INTS10: variants seen among roughly 807,000 people sequenced by gnomAD.
INTS10 encodes chromosome 8 open reading frame 35.
Under a neutral mutation model 94.4 loss-of-function variants are expected in INTS10, and 44 were observed. The ratio of observed to expected loss-of-function variants is 0.47; its 90% CI spans 0.37 to 0.60. The LOEUF is 0.60. Among genes scored for constraint, INTS10 ranks in the 20% least tolerant of loss-of-function variants. INTS10 has a pLI of 0.00. For synonymous variants in INTS10, 341 were observed against 320.7 expected (o/e 1.06, Z -0.68); for missense variants, 797 against 868.7 (o/e 0.92, Z 1.04).
In INTS10 at chr8:19,819,569, A is replaced by T; in HGVS notation, c.198-4A>T. 1 of 1,601,500 alleles carries T rather than the reference A, an allele frequency of 6.2e-7. No individual in the cohort carries two copies. Among genetic ancestry groups the T allele is most frequent in the Non-Finnish European group, 8.5e-7 (1 of 1,170,490 alleles). ...TTAATTTAATGTATTTATTTTAAAA[A>T]TAGGTTTGTGAATTTCCCAGACCAG... On this transcript the variant is annotated splice_polypyrimidine_tract_variant and splice_region_variant and intron_variant, in intron 2 of 16. Transcript: ENST00000397977.
At chr8:19,836,068 C>T (rs1025781498) in intron 12 of INTS10, among the ~76,000 whole-genome samples, 4 of 151,848 alleles carry the variant, frequency 2.6e-5, no homozygotes, top group African/African-American at 7.3e-5. Flanking sequence ...ACCTAGATGA[C>T]GGGTTGATAG....
chr8:19,835,669 A>G (rs986007382), intron 12 of INTS10, among the ~76,000 whole-genome samples: 2 of 152,170 alleles, frequency 1.3e-5, no homozygotes, highest in African/African-American at 4.8e-5. Flanking sequence ...ATCCAGGCCT[A>G]TCCAACTCCA....
chr8:19,831,831 A>G (rs1289226285), intron 10 of INTS10, among the ~76,000 whole-genome samples, 197 bp from the exon 11 acceptor site: 1 of 152,234 alleles, frequency 6.6e-6, no homozygotes, highest in Non-Finnish European at 1.5e-5. Flanking sequence ...TCTACAAAAT[A>G]TTGCTTGTGT....
rs779395857 is a variant in INTS10 at position 19,845,808 on chromosome 8, T to C, written c.1976+11T>C. On this transcript the variant is annotated intron_variant, in intron 16 of 16. Coordinates refer to ENST00000397977, the MANE Select transcript of INTS10 (RefSeq NM_018142.4). ...AGGAATGCTGATCAAGTAAGCATGT[T>C]CTCTTTTGCTCTTCCATGCTGAGTG... The C allele has an allele frequency of 5.7e-6, 9 of 1,576,434 alleles. No individual in the cohort carries two copies. Among genetic ancestry groups the C allele is most frequent in the Non-Finnish European group, 7.9e-6 (9 of 1,145,628 alleles).
intron 15 of INTS10, 139 bp from the exon 16 acceptor site, chr8:19,845,565 A>C (rs1444954994): frequency 1.5e-6 from 1 of 649,372 alleles, no homozygotes; most frequent in African/African-American, 1.8e-5. Flanking sequence ...CCAAGACCCC[A>C]TTTCCTTATC....
In INTS10 at chr8:19,830,536, A is replaced by G. The variant is rs375406712; in HGVS notation, c.1271A>G (p.Tyr424Cys). Reference sequence around the variant, plus strand: ...GCCAGGGAGAGCTGGGAGTTGCTCTATTCCCTAGAATTCCTTGACAAAGGT... The same window carrying G: ...GCCAGGGAGAGCTGGGAGTTGCTCTGTTCCCTAGAATTCCTTGACAAAGGT... ...KLARESWELLYSLEFLDKEFT... is the reference protein window; with the variant it reads ...KLARESWELLCSLEFLDKEFT... Residue 424 changes from tyrosine to cysteine, a missense_variant, in exon 10 of 17, where the codon TAT (tyrosine) becomes TGT (cysteine). Transcript: ENST00000397977. The G allele has an allele frequency of 2.4e-5, 38 of 1,612,412 alleles. No individual in the cohort carries two copies. The highest frequency in any genetic ancestry group is 4.5e-5 in the East Asian group (2 of 44,882).
At position 19,820,388 on chromosome 8, in the gene INTS10, A is replaced by G. The variant is rs755273551; in HGVS notation, c.311A>G (p.Glu104Gly). 1 of 1,609,876 alleles carries G rather than the reference A, an allele frequency of 6.2e-7. No homozygotes were observed. Among genetic ancestry groups the G allele is most frequent in the South Asian group, 1.1e-5 (1 of 90,546 alleles). ...AATATGTTTCGTACAGGTTTATTTG[A>G]AACTCTTCCTGGTCGGGTCCAGTGT... is the stretch of plus-strand genomic sequence containing the variant. ...KQTQFLRSLFETLPGRVQCEM... is the reference protein window; with the variant it reads ...KQTQFLRSLFGTLPGRVQCEM... The change falls in exon 4 of 17, where the codon GAA (glutamate) becomes GGA (glycine). Residue 104 changes from glutamate to glycine, a missense_variant. Coordinates refer to ENST00000397977, the MANE Select transcript of INTS10 (RefSeq NM_018142.4).
In INTS10 at chr8:19,825,323, T is replaced by G. The variant is rs990945956; in HGVS notation, c.1006+351T>G. ...GGTGAATCACTTGAGGTCAGGAGTT[T>G]GAGACCAGCCTGGCCAATATGGTAA... On this transcript the variant is annotated intron_variant, in intron 8 of 16. Coordinates refer to ENST00000397977, the MANE Select transcript of INTS10 (RefSeq NM_018142.4). 6.6e-5 allele frequency among the ~76,000 whole-genome samples: 10 copies of G among 152,210 alleles called. No individual in the cohort carries two copies. The East Asian group carries it at 1.9e-3, about 29-fold the overall frequency.
chr8:19,846,106 G>A lies in INTS10; in HGVS notation c.1976+309G>A, dbSNP rs1432133747. 6.6e-6 allele frequency among the ~76,000 whole-genome samples: 1 copy of A among 151,946 alleles called. No homozygotes were observed. The highest frequency in any genetic ancestry group is 1.5e-5 in the Non-Finnish European group (1 of 68,002). Reference sequence around the variant, plus strand: ...GGGTGAGTCTATAAGTTTCTGATTAGTCACAGAGTGCCTTTAATTAAGAAC... The same window carrying A: ...GGGTGAGTCTATAAGTTTCTGATTAATCACAGAGTGCCTTTAATTAAGAAC... On this transcript the variant is annotated intron_variant, in intron 16 of 16. Transcript: ENST00000397977. This position sits in a 1 kb window ranked among gnomAD's most constrained non-coding sequence, Gnocchi z 4.2.
chr8:19,817,717 C>G (rs372483636), intron 1 of INTS10, 51 bp downstream of exon 1: 58 of 1,563,662 alleles, frequency 3.7e-5, no homozygotes, highest in Admixed American at 5.5e-5. Context: ...TGCGCGCTCC[C>G]GTCGCCCGGG....
At chr8:19,850,131 C>CAAA (rs36017013) in intron 16 of INTS10, among the ~76,000 whole-genome samples, 2 of 130,626 alleles carry the variant, frequency 1.5e-5, no homozygotes, top group Admixed American at 7.9e-5. Flanking sequence ...GATGCCATCT[C>CAAA]AAAAAAAAAA....
chr8:19,823,192 CT>C (rs2128757235), intron 5 of INTS10, 108 bp from the exon 6 acceptor site: 2 of 795,544 alleles, frequency 2.5e-6, no homozygotes, highest in South Asian at 3.4e-5. Flanking sequence ...ATTTTTCCCC[CT>C]ATATATTTTA....
rs2067722750 is a variant in INTS10 at position 19,837,092 on chromosome 8, T to C, written c.1571T>C (p.Val524Ala). 1 of 1,613,868 alleles carries C rather than the reference T, an allele frequency of 6.2e-7. No individual in the cohort carries two copies. ...EKVLDLMCYM[V>A]LPIQDGGKSQ... ...GTCCTTGATTTGATGTGCTACATGG[T>C]ACTCCCCATTCAAGATGGAGGCAAA... The change falls in exon 13 of 17, where the codon GTA becomes GCA. Residue 524 changes from valine to alanine, a missense_variant. Physicochemically the swap from Val to Ala is moderately conservative, Grantham distance 64 (BLOSUM62 0). Around this residue, in one of 3 missense-constraint regions of INTS10, gnomAD observed 734 missense variants for 787.8 expected, o/e 0.93. Transcript: ENST00000397977.
At chr8:19,820,048 A>G (rs1235121956) in intron 3 of INTS10, among the ~76,000 whole-genome samples, 1 of 152,234 alleles carries the variant, frequency 6.6e-6, no homozygotes, top group African/African-American at 2.4e-5. Context: ...CAAACTCTAG[A>G]TAAAATAGCA....
chr8:19,841,567 T>A (rs1263377738), intron 13 of INTS10, among the ~76,000 whole-genome samples: 1 of 152,226 alleles, frequency 6.6e-6, no homozygotes, highest in African/African-American at 2.4e-5. Flanking sequence ...GGAAAGATTC[T>A]CAACCTTTTG....
At chr8:19,826,692 C>G (rs776961975) in intron 9 of INTS10, 133 bp downstream of exon 9, 250 of 823,454 alleles carry the variant, frequency 3.0e-4, no homozygotes, top group Non-Finnish European at 4.1e-4. Context: ...TTAATAATTA[C>G]TAAGTCAGTG....
chr8:19,831,709 T>C (rs2067240982), intron 10 of INTS10, among the ~76,000 whole-genome samples: 1 of 151,958 alleles, frequency 6.6e-6, no homozygotes, highest in African/African-American at 2.4e-5. Flanking sequence ...AAAAATAAAA[T>C]GGGACCTTGT....
At chr8:19,847,363 ATAAC>A (rs2068665097) in intron 16 of INTS10, among the ~76,000 whole-genome samples, 1 of 152,258 alleles carries the variant, frequency 6.6e-6, no homozygotes, top group Non-Finnish European at 1.5e-5. Context: ...TTTGGGAAGA[ATAAC>A]TATGTTGTTC....
chr8:19,838,154 G>A (rs2067817447), intron 13 of INTS10, among the ~76,000 whole-genome samples: 1 of 152,092 alleles, frequency 6.6e-6, no homozygotes, highest in Non-Finnish European at 1.5e-5. Flanking sequence ...CTAGAAGTTC[G>A]AGACCAGTGT....
Sources: gnomAD v4.1 joint callset for allele counts (sites outside exome capture counted in the v4.1 genomes callset) on GRCh38, gnomAD v4.1.1 for gene constraint, gnomAD v4.1.1 regional missense constraint, Gnocchi (gnomAD v3.1) non-coding constraint, MANE v1.5 for transcripts, NCBI Gene and HGNC (gene_info 2026-07-23, HGNC 2026-07-21) for gene names.